DNASE2B: variants seen among roughly 807,000 people sequenced by gnomAD.
DNASE2B encodes the protein deoxyribonuclease-2-beta.
A neutral mutation model predicts 46.0 loss-of-function variants in DNASE2B; 43 were observed. The ratio of observed to expected loss-of-function variants is 0.94; its 90% CI spans 0.73 to 1.21. The LOEUF is 1.21. Ranked by LOEUF, DNASE2B falls within the 50% of genes most tolerant of loss-of-function variation. The pLI is 0.00. For synonymous variants in DNASE2B, 156 were observed against 152.5 expected (o/e 1.02, Z -0.17); for missense variants, 395 against 414.4 (o/e 0.95, Z 0.41).
intron 4 of DNASE2B, among the ~76,000 whole-genome samples, chr1:84,411,454 G>C (rs1176354066): frequency 6.8e-6 from 1 of 147,930 alleles, no homozygotes; most frequent in Non-Finnish European, 1.5e-5. Context: ...GTGTGTGTGT[G>C]TGTGTGTGTG....
chr1:84,414,922 T>C lies in DNASE2B; in HGVS notation c.*54T>C, dbSNP rs1225590681. ...TTGAAAACCTTGACAATGGGTCTTC[T>C]TCCATTACACCTTCTTTATATTTTA... is the stretch of plus-strand genomic sequence containing the variant. On this transcript the variant is annotated 3_prime_UTR_variant, in exon 6 of 6. Coordinates refer to ENST00000370665, the MANE Select transcript of DNASE2B (RefSeq NM_021233.3). 11 of 1,280,860 alleles carry C rather than the reference T, an allele frequency of 8.6e-6. No individual in the cohort carries two copies. In the East Asian group the frequency reaches 2.4e-4, roughly 27 times the overall value. 79.3% of individuals were successfully genotyped at this position (1,280,860 alleles called of 1,614,324 possible). A position where few individuals can be genotyped will look rare whatever the true frequency, so the allele number is the denominator to read the frequency against.
intron 2 of DNASE2B, among the ~76,000 whole-genome samples, chr1:84,407,144 A>G (rs916301223): frequency 6.6e-6 from 1 of 152,162 alleles, no homozygotes; most frequent in Non-Finnish European, 1.5e-5. Context: ...CTCTCTTCCA[A>G]CTAAGGCTAC....
chr1:84,402,900 A>C (rs1203503137), intron 2 of DNASE2B, among the ~76,000 whole-genome samples: 2 of 152,210 alleles, frequency 1.3e-5, no homozygotes, highest in African/African-American at 4.8e-5. Flanking sequence ...GGGCCTTTAC[A>C]TATGTCAAGT....
chr1:84,412,683 T>A, intron 5 of DNASE2B, 137 bp downstream of exon 5: 1 of 923,476 alleles, frequency 1.1e-6, no homozygotes. Context: ...AAAAGGAAAG[T>A]CACGGATCAG....
chr1:84,400,399 AAAAG>A (rs1396353250), intron 1 of DNASE2B, among the ~76,000 whole-genome samples: 2 of 152,306 alleles, frequency 1.3e-5, no homozygotes, highest in East Asian at 3.9e-4. Flanking sequence ...ACAAGAAAGA[AAAAG>A]AAAGAAATAA....
intron 2 of DNASE2B, 78 bp from the exon 3 acceptor site, chr1:84,408,359 C>A (rs1558501198): frequency 6.8e-7 from 1 of 1,479,194 alleles, no homozygotes; most frequent in Admixed American, 2.3e-5. Flanking sequence ...GTATTGCAGG[C>A]TGGGTAGCTG....
At chr1:84,410,645 C>G (rs544364605) in intron 3 of DNASE2B, among the ~76,000 whole-genome samples, 193 bp from the exon 4 acceptor site, 16 of 152,292 alleles carry the variant, frequency 1.1e-4, no homozygotes, top group Non-Finnish European at 1.6e-4. Flanking sequence ...GGCTTTTTAT[C>G]AGTAATCAGG....
At chr1:84,401,796 T>C in intron 1 of DNASE2B, 105 bp from the exon 2 acceptor site, 2 of 891,868 alleles carry the variant, frequency 2.2e-6, no homozygotes, top group Non-Finnish European at 3.2e-6. Context: ...CTTAGAGGCC[T>C]TCCATGAAAC....
intron 1 of DNASE2B, 128 bp from the exon 2 acceptor site, chr1:84,401,773 G>A: frequency 3.0e-6 from 2 of 672,928 alleles, no homozygotes; most frequent in Non-Finnish European, 4.7e-6. Flanking sequence ...AAGAGCTTGA[G>A]CAAATCCCTT....
At chr1:84,406,419 CCCACACCCTAGCAGGGAG>C (rs1300987184) in intron 2 of DNASE2B, among the ~76,000 whole-genome samples, 1 of 152,068 alleles carries the variant, frequency 6.6e-6, no homozygotes, top group African/African-American at 2.4e-5. Context: ...CAAAGGTAGC[CCCACACCCTAGCAGGGAG>C]ACACAGTTAA....
At chr1:84,409,875 A>G (rs1305709510) in intron 3 of DNASE2B, among the ~76,000 whole-genome samples, 1 of 152,224 alleles carries the variant, frequency 6.6e-6, no homozygotes, top group Non-Finnish European at 1.5e-5. Context: ...TCATCTGCAC[A>G]GAGGATAACT....
chr1:84,411,117 G>A (rs1680583994), intron 4 of DNASE2B, 118 bp downstream of exon 4: 1 of 1,234,012 alleles, frequency 8.1e-7, no homozygotes, highest in East Asian at 2.6e-5. Context: ...CTGATACCTA[G>A]ATTCTAATAC....
At position 84,414,890 on chromosome 1, in the gene DNASE2B, A is replaced by G; in HGVS notation, c.*22A>G. The G allele has an allele frequency of 6.4e-7, 1 of 1,560,188 alleles. No individual in the cohort carries two copies. Among genetic ancestry groups the G allele is most frequent in the Non-Finnish European group, 8.8e-7 (1 of 1,141,620 alleles). ...GTAAACTTGGTGAAAGGACACAGGT[A>G]CTATCATTGAAAACCTTGACAATGG... On this transcript the variant is annotated 3_prime_UTR_variant, in exon 6 of 6. Transcript: ENST00000370665.
At chr1:84,398,838 C>A in intron 1 of DNASE2B, 149 bp downstream of exon 1, 1 of 1,233,692 alleles carries the variant, frequency 8.1e-7, no homozygotes, top group Non-Finnish European at 1.1e-6. Context: ...CGGCCAAACT[C>A]CCAGGCAGGG....
At chr1:84,414,420 A>T (rs1160485627) in intron 5 of DNASE2B, 108 bp from the exon 6 acceptor site, 1 of 906,308 alleles carries the variant, frequency 1.1e-6, no homozygotes, top group Non-Finnish European at 1.6e-6. Flanking sequence ...TGTGCTCGTG[A>T]CATCCACATA....
chr1:84,408,618 C>T lies in DNASE2B; in HGVS notation c.385+100C>T, dbSNP rs1195962283. 4 of 917,564 alleles carry T rather than the reference C, an allele frequency of 4.4e-6. No individual in the cohort carries two copies. In the African/African-American group the frequency reaches 5.2e-5, roughly 12 times the overall value. The allele number at this position is 917,564 out of a possible 1,614,324, so 56.8% of individuals were successfully genotyped here. ...TTATATTCCATACTAAATAGATAGCCTTTCTTCTTAATAGTTTATTTGAGT... is the reference window on the plus strand; with the variant it reads ...TTATATTCCATACTAAATAGATAGCTTTTCTTCTTAATAGTTTATTTGAGT... On this transcript the variant is annotated intron_variant, in intron 3 of 5. Transcript: ENST00000370665.
At position 84,414,815 on chromosome 1, in the gene DNASE2B, C is replaced by A. The variant is rs746783773; in HGVS notation, c.1033C>A (p.Gln345Lys). 1.2e-5 allele frequency: 19 copies of A among 1,614,012 alleles called. No homozygotes were observed. The Admixed American group carries it at 3.0e-4, about 25-fold the overall frequency. The change falls in exon 6 of 6, where the codon CAA (glutamine) becomes AAA (lysine). Residue 345 changes from glutamine to lysine, a missense_variant. Transcript: ENST00000370665. ...SGGFICTQNWQIYQAFQGLVL... is the reference protein window; with the variant it reads ...SGGFICTQNWKIYQAFQGLVL... ...AGGATTCATTTGTACCCAGAATTGG[C>A]AAATTTACCAAGCATTTCAAGGATT...
chr1:84,409,968 A>G (rs1215524180), intron 3 of DNASE2B, among the ~76,000 whole-genome samples: 1 of 152,194 alleles, frequency 6.6e-6, no homozygotes, highest in Non-Finnish European at 1.5e-5. Context: ...TTTCCACCCA[A>G]AGAACAACAG....
At chr1:84,402,391 T>C (rs769407982) in intron 2 of DNASE2B, among the ~76,000 whole-genome samples, 2 of 152,212 alleles carry the variant, frequency 1.3e-5, no homozygotes, top group Non-Finnish European at 2.9e-5. Flanking sequence ...CTTATTCATC[T>C]AATAGAAATA....
Sources: gnomAD v4.1 joint callset for allele counts (sites outside exome capture counted in the v4.1 genomes callset) on GRCh38, gnomAD v4.1.1 for gene constraint, MANE v1.5 for transcripts, NCBI Gene and HGNC (gene_info 2026-07-23, HGNC 2026-07-21) for gene names.